Variants in PRH1 observed in about 807,000 individuals in gnomAD.
PRH1 encodes the protein proline rich protein HaeIII subfamily 1.
PRH1 carries 7 observed loss-of-function variants against 7.9 expected under a neutral mutation model. The ratio of observed to expected loss-of-function variants is 0.89; its 90% CI spans 0.50 to 1.67. The LOEUF is 1.67. Among genes scored for constraint, PRH1 ranks in the 40% most tolerant of loss-of-function variants. PRH1 has a pLI of 0.00. For synonymous variants in PRH1, 45 were observed against 80.8 expected (o/e 0.56, Z 2.38); for missense variants, 109 against 223.6 (o/e 0.49, Z 3.27).
chr12:11,043,125 G>C (rs1942777383), intron 1 of PRH1, among the ~76,000 whole-genome samples: 1 of 152,022 alleles, frequency 6.6e-6, no homozygotes, highest in Non-Finnish European at 1.5e-5. Flanking sequence ...GAGATGCAAG[G>C]GTGGTTCAAC....
At chr12:11,007,251 C>T (rs1405957991) in intron 1 of PRH1, among the ~76,000 whole-genome samples, 1 of 152,060 alleles carries the variant, frequency 6.6e-6, no homozygotes, top group Non-Finnish European at 1.5e-5. Context: ...CAGGTTGCTG[C>T]TAACCAATAC....
intron 1 of PRH1, among the ~76,000 whole-genome samples, chr12:11,003,572 AAATTATAAG>A (rs530047400): frequency 1.3e-4 from 20 of 151,830 alleles, no homozygotes; most frequent in Non-Finnish European, 2.7e-4. Context: ...AATTTATTTC[AAATTATAAG>A]AATTATAAAA....
intron 2 of PRH1, among the ~76,000 whole-genome samples, chr12:10,924,770 T>A (rs947381037): frequency 2.6e-5 from 4 of 152,226 alleles, no homozygotes; most frequent in African/African-American, 9.7e-5. Context: ...TTCTTCTAGA[T>A]TTTCTAGTTT....
At chr12:10,947,457 C>CT (rs910828232) in intron 2 of PRH1, among the ~76,000 whole-genome samples, 13 of 151,902 alleles carry the variant, frequency 8.6e-5, no homozygotes, top group African/African-American at 3.1e-4. Context: ...TGCAACCCCC[C>CT]TTTTTTCTGT....
At chr12:11,033,366 AAAAACAAAACAAAACAAAAC>A (rs77949516) in intron 1 of PRH1, among the ~76,000 whole-genome samples, 1 of 151,076 alleles carries the variant, frequency 6.6e-6, no homozygotes, top group Non-Finnish European at 1.5e-5. Flanking sequence ...GACTCTGTCA[AAAAACAAAACAAAACAAAAC>A]AAAACAAAAC....
intron 1 of PRH1, chr12:11,133,750 C>A (rs758242189): frequency 2.0e-5 from 32 of 1,614,068 alleles, no homozygotes; most frequent in Non-Finnish European, 8.5e-7. Flanking sequence ...TCAATTTGAT[C>A]TTCCAAGTCA....
At chr12:11,147,846 G>C (rs1946915057) in intron 1 of PRH1, among the ~76,000 whole-genome samples, 1 of 152,002 alleles carries the variant, frequency 6.6e-6, no homozygotes, top group Admixed American at 6.6e-5. Context: ...AGCTTGATGG[G>C]GATGGCATTG....
chr12:10,887,175 T>C (rs1191345134), upstream of PRH1, among the ~76,000 whole-genome samples: 1 of 152,208 alleles, frequency 6.6e-6, no homozygotes, highest in Non-Finnish European at 1.5e-5. Flanking sequence ...CTTCTTCGAC[T>C]TCACCATGCT....
chr12:11,115,337 T>A (rs762459792), intron 1 of PRH1, among the ~76,000 whole-genome samples: 3 of 152,072 alleles, frequency 2.0e-5, no homozygotes. Flanking sequence ...GGTCAATTCA[T>A]CAAAATGATA....
intron 1 of PRH1, among the ~76,000 whole-genome samples, chr12:11,093,664 C>A (rs558327078): frequency 8.7e-6 from 1 of 115,388 alleles, no homozygotes; most frequent in South Asian, 2.4e-4. Flanking sequence ...GATATAGAAT[C>A]CTGCAGTATC....
intron 1 of PRH1, chr12:11,133,365 A>C (rs766348171): frequency 6.2e-7 from 1 of 1,613,974 alleles, no homozygotes; most frequent in Non-Finnish European, 8.5e-7. Flanking sequence ...ACATGCCGCA[A>C]AACTGAAAGA....
intron 1 of PRH1, among the ~76,000 whole-genome samples, chr12:11,070,684 C>G (rs1221124669): frequency 6.6e-6 from 1 of 152,182 alleles, no homozygotes; most frequent in Non-Finnish European, 1.5e-5. Context: ...TTGCTGCAGA[C>G]TCGTATGAAA....
At chr12:11,139,270 C>T (rs1946640909) in intron 1 of PRH1, among the ~76,000 whole-genome samples, 1 of 152,016 alleles carries the variant, frequency 6.6e-6, no homozygotes, top group South Asian at 2.1e-4. Flanking sequence ...AAAATTATAA[C>T]ATTAACATTG....
At position 10,972,530 on chromosome 12, in the gene PRH1, A is replaced by G. The variant is rs143638066; in HGVS notation, c.-59+1125T>C. Among the ~76,000 whole-genome samples, 55 of 152,330 alleles carry G rather than the reference A, an allele frequency of 3.6e-4. 1 individual carries two copies. The East Asian group carries it at 9.8e-3, about 27-fold the overall frequency. The stretch of plus-strand genomic sequence containing the variant: ...AAAAAATTTGAATAAAATTTTTCAT[A>G]ATGACGTTGAAGTAAAAGCTGATTT... On this transcript the variant is annotated intron_variant, in intron 2 of 3. Transcript: ENST00000539853.
At chr12:10,964,238 T>A (rs1435952591) in intron 2 of PRH1, among the ~76,000 whole-genome samples, 2 of 151,842 alleles carry the variant, frequency 1.3e-5, no homozygotes, top group Non-Finnish European at 2.9e-5. Flanking sequence ...GTGTTTCATA[T>A]ACACATACAC....
intron 1 of PRH1, among the ~76,000 whole-genome samples, chr12:11,111,776 A>T (rs1945596752): frequency 6.6e-6 from 1 of 152,232 alleles, no homozygotes; most frequent in African/African-American, 2.4e-5. Flanking sequence ...TTTAAAAGCT[A>T]GCAGAAGACA....
Position 10,930,396 on chromosome 12 carries a change from G to A in PRH1, c.-59+43259C>T, listed in dbSNP as rs1339940462. 2.6e-6 allele frequency: 4 copies of A among 1,535,972 alleles called. No homozygotes were observed. The African/African-American group carries it at 5.5e-5, about 21-fold the overall frequency. ...AGTGTCTTCTTATCATCCTTGTCAGGAATTGGCTAATATCAGTGCCCCAGA... is the reference window on the plus strand; with the variant it reads ...AGTGTCTTCTTATCATCCTTGTCAGAAATTGGCTAATATCAGTGCCCCAGA... On this transcript the variant is annotated intron_variant, in intron 2 of 3. Coordinates refer to the PRH1 transcript ENST00000539853.
intron 2 of PRH1, among the ~76,000 whole-genome samples, chr12:10,954,432 G>T (rs1379864515): frequency 6.6e-6 from 1 of 151,698 alleles, no homozygotes; most frequent in Non-Finnish European, 1.5e-5. Context: ...CAAGCAAATG[G>T]AAAATAGAAG....
intron 1 of PRH1, among the ~76,000 whole-genome samples, chr12:11,028,038 C>T (rs547764153): frequency 3.9e-5 from 6 of 152,294 alleles, no homozygotes; most frequent in African/African-American, 1.2e-4. Flanking sequence ...TGGACACAAA[C>T]ATGTGCTTTC....
Sources: allele counts gnomAD v4.1 joint callset (sites outside exome capture counted in the v4.1 genomes callset), GRCh38; gene constraint gnomAD v4.1.1; transcripts MANE v1.5; gene names NCBI Gene and HGNC (gene_info 2026-07-23, HGNC 2026-07-21).